PRKAR2B: variants seen among roughly 807,000 people sequenced by gnomAD.
The protein encoded by PRKAR2B is protein kinase cAMP-dependent type II regulatory subunit beta, also known as cAMP-dependent protein kinase type II-beta regulatory subunit.
A neutral mutation model predicts 49.9 loss-of-function variants in PRKAR2B; 14 were observed. That is an observed-to-expected ratio of 0.28 (90% confidence interval 0.19 to 0.44). The LOEUF is 0.44. PRKAR2B is among the 20% of genes least tolerant of loss of function. The pLI, the probability that PRKAR2B is intolerant of heterozygous loss-of-function variation, is 1.00. For synonymous variants in PRKAR2B, 196 were observed against 197.7 expected, an observed-to-expected ratio of 0.99 and a Z score of 0.07; for missense variants, 393 against 537.9, an observed-to-expected ratio of 0.73 and a Z score of 2.67.
At chr7:107,132,109 A>G (rs1014432828) in intron 4 of PRKAR2B, among the ~76,000 whole-genome samples, 4 of 152,206 alleles carry the variant, frequency 2.6e-5, no homozygotes, top group Admixed American at 2.6e-4. Flanking sequence ...CTCTTAGCTT[A>G]CCCTAACAGT....
intron 2 of PRKAR2B, among the ~76,000 whole-genome samples, chr7:107,070,949 G>C (rs867651550): frequency 1.3e-5 from 2 of 152,182 alleles, no homozygotes; most frequent in Non-Finnish European, 2.9e-5. Context: ...TAACAAGGGC[G>C]TACGTTAACT....
chr7:107,096,221 T>C (rs1398543761), intron 2 of PRKAR2B, among the ~76,000 whole-genome samples: 1 of 152,232 alleles, frequency 6.6e-6, no homozygotes, highest in Admixed American at 6.5e-5. Flanking sequence ...TTTTTCCTCG[T>C]TTAGTCCTGG....
chr7:107,103,047 A>G (rs530777846), intron 2 of PRKAR2B, among the ~76,000 whole-genome samples: 52 of 152,358 alleles, frequency 3.4e-4, no homozygotes, highest in African/African-American at 1.2e-3. Flanking sequence ...AGATAATTAT[A>G]AAATTCTCTG....
intron 2 of PRKAR2B, among the ~76,000 whole-genome samples, chr7:107,117,169 GC>G (rs1322537802): frequency 6.7e-6 from 1 of 149,226 alleles, no homozygotes; most frequent in African/African-American, 2.5e-5. Context: ...AAGTCTTTTT[GC>G]CCCCTAAGAA....
chr7:107,133,720 A>G (rs1795643816), intron 4 of PRKAR2B: 1 of 152,212 alleles, frequency 6.6e-6, no homozygotes, highest in East Asian at 1.9e-4. Flanking sequence ...CATTCTTCCA[A>G]AAGTTTTTCT....
chr7:107,052,666 C>T (rs75280035), intron 1 of PRKAR2B, among the ~76,000 whole-genome samples: 44 of 152,230 alleles, frequency 2.9e-4, no homozygotes, highest in Admixed American at 2.7e-3. Context: ...TTAGCAGTAA[C>T]GTGGTTGAAA....
chr7:107,066,301 G>GGGGGT (rs147673007), intron 1 of PRKAR2B, among the ~76,000 whole-genome samples: 2 of 145,602 alleles, frequency 1.4e-5, no homozygotes, highest in African/African-American at 5.2e-5. Flanking sequence ...CTCTATGTGG[G>GGGGGT]GTGTGTGTGT....
intron 1 of PRKAR2B, among the ~76,000 whole-genome samples, chr7:107,065,077 T>A (rs888231358): frequency 1.3e-5 from 2 of 152,236 alleles, no homozygotes; most frequent in Admixed American, 1.3e-4. Context: ...TTACATGGTT[T>A]CAATTTACAC....
intron 2 of PRKAR2B, among the ~76,000 whole-genome samples, chr7:107,107,209 C>T (rs1490720398): frequency 6.6e-6 from 1 of 152,026 alleles, no homozygotes; most frequent in Non-Finnish European, 1.5e-5. Flanking sequence ...TGGTGGTGGG[C>T]ACCTGTAATC....
At chr7:107,140,512 T>G (rs1488165859) in intron 4 of PRKAR2B, among the ~76,000 whole-genome samples, 1 of 152,226 alleles carries the variant, frequency 6.6e-6, no homozygotes, top group Non-Finnish European at 1.5e-5. Context: ...AAATAATTCC[T>G]TACTAACCTG....
At chr7:107,068,661 A>G (rs1413350514) in intron 1 of PRKAR2B, 1 of 152,170 alleles carries the variant, frequency 6.6e-6, no homozygotes, top group African/African-American at 2.4e-5. Context: ...GTTATAAATG[A>G]TAATATCTTG....
At chr7:107,154,785 T>C (rs980749031) in intron 8 of PRKAR2B, among the ~76,000 whole-genome samples, 23 of 152,220 alleles carry the variant, frequency 1.5e-4, no homozygotes, top group African/African-American at 5.1e-4. Context: ...GACTGCATCA[T>C]TGGAGATCAA....
chr7:107,100,246 C>T (rs1460154857), intron 2 of PRKAR2B, among the ~76,000 whole-genome samples: 1 of 152,012 alleles, frequency 6.6e-6, no homozygotes, highest in Non-Finnish European at 1.5e-5. Flanking sequence ...TTTCACTGTC[C>T]TCATTAAAAG....
At chr7:107,098,004 C>T (rs924719674) in intron 2 of PRKAR2B, among the ~76,000 whole-genome samples, 4 of 152,042 alleles carry the variant, frequency 2.6e-5, no homozygotes, top group South Asian at 2.1e-4. Context: ...TTGCTTTTCT[C>T]GAGGAGTATC....
intron 1 of PRKAR2B, among the ~76,000 whole-genome samples, chr7:107,069,339 A>G (rs138863724): frequency 1.1e-4 from 17 of 152,350 alleles, no homozygotes; most frequent in African/African-American, 4.1e-4. Flanking sequence ...TTTTTCATGC[A>G]GTGCAATCAT....
chr7:107,106,046 T>C lies in PRKAR2B; in HGVS notation c.344-15906T>C, dbSNP rs144166892. ...CTAATGTCAGGAGCAGATTGAGTGA[T>C]AAAATGCATACCAGGGATAGCTCAC... On this transcript the variant is annotated intron_variant, in intron 2 of 10. Transcript: ENST00000265717. Among the ~76,000 whole-genome samples, 149 of 152,278 alleles carry C rather than the reference T, an allele frequency of 9.8e-4. 1 individual carries two copies. The highest frequency in any genetic ancestry group is 3.4e-3 in the African/African-American group (142 of 41,544).
intron 5 of PRKAR2B, among the ~76,000 whole-genome samples, chr7:107,146,014 T>A (rs1388007079): frequency 2.0e-5 from 3 of 152,160 alleles, no homozygotes; most frequent in Non-Finnish European, 4.4e-5. Context: ...GTGCTGTGAT[T>A]ACAGGTGTGA....
chr7:107,092,553 ATG>A (rs1562853952), intron 2 of PRKAR2B, among the ~76,000 whole-genome samples: 2 of 152,218 alleles, frequency 1.3e-5, no homozygotes, highest in South Asian at 4.1e-4. Context: ...TATATTATAT[ATG>A]TTATAAACCT....
intron 2 of PRKAR2B, among the ~76,000 whole-genome samples, chr7:107,119,166 T>A (rs1795343372): frequency 6.6e-6 from 1 of 152,216 alleles, no homozygotes; most frequent in African/African-American, 2.4e-5. Flanking sequence ...AGGATTGATT[T>A]CTGTGAATTA....
Sources: allele counts gnomAD v4.1 joint callset (sites outside exome capture counted in the v4.1 genomes callset), GRCh38; gene constraint gnomAD v4.1.1; transcripts MANE v1.5; gene names NCBI Gene and HGNC (gene_info 2026-07-23, HGNC 2026-07-21).